The following TTC12 variants were observed in gnomAD, a reference collection of about 807,000 sequenced individuals.
The protein encoded by TTC12 is tetratricopeptide repeat domain 12, also known as tetratricopeptide repeat protein 12.
TTC12 carries 70 observed loss-of-function variants against 90.1 expected under a neutral mutation model. The observed-to-expected ratio is 0.78, with a 90% CI of 0.64 to 0.95. The LOEUF (loss-of-function observed/expected upper bound fraction) is 0.95, where lower values mean the gene tolerates loss of function less well. TTC12 is among the 40% of genes least tolerant of loss of function. The pLI is 0.00. For synonymous variants in TTC12, 296 were observed against 311.5 expected, an observed-to-expected ratio of 0.95 and a Z score of 0.53; for missense variants, 819 against 846.1, an observed-to-expected ratio of 0.97 and a Z score of 0.40.
downstream of TTC12, among the ~76,000 whole-genome samples, chr11:113,366,649 T>C (rs1472715404): frequency 1.3e-5 from 2 of 152,276 alleles, no homozygotes; most frequent in African/African-American, 4.8e-5. Flanking sequence ...CTACCCCTTT[T>C]GCTATTTTCT....
chr11:113,362,035 G>A (rs1464741319), intron 18 of TTC12, among the ~76,000 whole-genome samples: 6 of 151,082 alleles, frequency 4.0e-5, no homozygotes, highest in Admixed American at 1.3e-4. Context: ...ACAAAGATTC[G>A]AAAAGATAAA....
chr11:113,363,551 C>T (rs1950049479), intron 19 of TTC12, among the ~76,000 whole-genome samples: 1 of 152,194 alleles, frequency 6.6e-6, no homozygotes, highest in Non-Finnish European at 1.5e-5. Context: ...CTCTTCTCAG[C>T]CACTTGCTCA....
At chr11:113,349,986 C>A in intron 13 of TTC12, 87 bp from the exon 14 acceptor site, 1 of 1,102,690 alleles carries the variant, frequency 9.1e-7, no homozygotes, top group South Asian at 1.3e-5. Flanking sequence ...ATGCTGACTC[C>A]TTTTTTGGTT....
chr11:113,364,873 G>A lies in TTC12; in HGVS notation c.1855G>A (p.Glu619Lys). The change falls in exon 21 of 22, where the codon GAG becomes AAG. Residue 619 changes from glutamate (E) to lysine (K), a missense_variant. By Grantham distance (56) the Glu-to-Lys change is moderately conservative (BLOSUM62 1). Coordinates refer to ENST00000529221, the MANE Select transcript of TTC12 (RefSeq NM_017868.4). ...GATGAAGCTGCTCAGCTCGGAGGAT[G>A]AGGTTCTGGTGGGCAACGCTGCCCT... Reference protein sequence around the residue: ...VMMKLLSSEDEVLVGNAALCL... With the variant: ...VMMKLLSSEDKVLVGNAALCL... 6.2e-7 allele frequency: 1 copy of A among 1,614,242 alleles called. No homozygotes were observed. Among genetic ancestry groups the A allele is most frequent in the East Asian group, 2.2e-5 (1 of 44,880 alleles).
rs782533737 is a variant in TTC12, at chr11:113,359,996, A to G, written c.1602A>G (p.Gly534=). Residue 534 remains glycine, a synonymous_variant, in exon 18 of 22, where the codon GGA becomes GGG. Coordinates refer to ENST00000529221, the MANE Select transcript of TTC12 (RefSeq NM_017868.4). Reference sequence around the variant, plus strand: ...TGTCTTTACTAAACAGCCAGGATGGAGGAATCCTGACAGTAAGTTTCTCCC... The same window carrying G: ...TGTCTTTACTAAACAGCCAGGATGGGGGAATCCTGACAGTAAGTTTCTCCC... ...RCLSLLNSQD[G]GILTRAAGVL... is the part of the protein sequence containing the mutation. 1.3e-6 allele frequency: 2 copies of G among 1,596,004 alleles called. No individual in the cohort carries two copies. Among genetic ancestry groups the G allele is most frequent in the Non-Finnish European group, 1.7e-6 (2 of 1,171,044 alleles).
At chr11:113,372,049 G>A (rs1950400448) in intron 21 of TTC12, among the ~76,000 whole-genome samples, 1 of 152,146 alleles carries the variant, frequency 6.6e-6, no homozygotes, top group African/African-American at 2.4e-5. Context: ...TTTTATCAGG[G>A]TTGGAAGGGT....
intron 20 of TTC12, 46 bp downstream of exon 20, chr11:113,363,973 C>A: frequency 2.2e-6 from 3 of 1,371,670 alleles, no homozygotes; most frequent in Non-Finnish European, 3.1e-6. Flanking sequence ...AGAGGTTCAT[C>A]CACCCTTGAA....
rs1555140208 is a variant in TTC12, at chr11:113,324,615, G to A, written c.255G>A (p.Leu85=). 4 of 1,613,420 alleles carry A rather than the reference G, an allele frequency of 2.5e-6. No homozygotes were observed. In the East Asian group the frequency reaches 6.7e-5, roughly 27 times the overall value. ...SAEEINSEAF[L]ASVEKDAKER... ...TTACCCTGCTGTCAGAGGCCTTCTTGGCATCTGTGGAGAAGGATGCAAAGG... is the reference window on the plus strand; with the variant it reads ...TTACCCTGCTGTCAGAGGCCTTCTTAGCATCTGTGGAGAAGGATGCAAAGG... Residue 85 remains leucine, a synonymous_variant, in exon 5 of 22, where the codon TTG becomes TTA. Coordinates refer to ENST00000529221, the MANE Select transcript of TTC12 (RefSeq NM_017868.4).
intron 2 of TTC12, among the ~76,000 whole-genome samples, chr11:113,316,684 G>A (rs1380750601): frequency 6.6e-6 from 1 of 152,208 alleles, no homozygotes; most frequent in Non-Finnish European, 1.5e-5. Flanking sequence ...TCCCGTTTTA[G>A]AGTAGAGCCA....
chr11:113,338,945 C>T, intron 9 of TTC12, 111 bp downstream of exon 9: 1 of 945,104 alleles, frequency 1.1e-6, no homozygotes, highest in Non-Finnish European at 1.7e-6. Flanking sequence ...AGCGGCGGAT[C>T]CTCTTTCCTG....
intron 21 of TTC12, 81 bp from the exon 22 acceptor site, chr11:113,366,144 T>C (rs1244584240): frequency 1.4e-6 from 2 of 1,479,298 alleles, no homozygotes; most frequent in South Asian, 2.3e-5. Flanking sequence ...CCAGCTTCCA[T>C]CTGAGAGGGT....
chr11:113,318,501 A>G (rs1426993237), intron 2 of TTC12, among the ~76,000 whole-genome samples: 1 of 152,200 alleles, frequency 6.6e-6, no homozygotes, highest in Non-Finnish European at 1.5e-5. Flanking sequence ...TTCTCTTCTT[A>G]CAAGGACACT....
intron 16 of TTC12, among the ~76,000 whole-genome samples, chr11:113,355,172 C>G (rs1949553839): frequency 6.6e-6 from 1 of 151,968 alleles, no homozygotes; most frequent in Admixed American, 6.6e-5. Flanking sequence ...AATTTTTTTC[C>G]TGGTTCAGCC....
chr11:113,362,885 G>T (rs539198441), intron 19 of TTC12, among the ~76,000 whole-genome samples: 1 of 152,342 alleles, frequency 6.6e-6, no homozygotes, highest in East Asian at 1.9e-4. Context: ...TCTGGAGAGT[G>T]TTGGATGGAA....
chr11:113,354,239 C>T (rs533208095), intron 16 of TTC12, among the ~76,000 whole-genome samples: 29 of 152,146 alleles, frequency 1.9e-4, no homozygotes, highest in African/African-American at 6.3e-4. Context: ...AATGAGATTG[C>T]GTTTCTCATT....
intron 7 of TTC12, among the ~76,000 whole-genome samples, 174 bp from the exon 8 acceptor site, chr11:113,334,792 C>G (rs1042541154): frequency 1.3e-5 from 2 of 152,142 alleles, no homozygotes; most frequent in Non-Finnish European, 2.9e-5. Context: ...TGCATCCAGG[C>G]TCCTTGCAGG....
At chr11:113,329,750 C>T (rs1385274369) in intron 6 of TTC12, 170 bp from the exon 7 acceptor site, 2 of 682,762 alleles carry the variant, frequency 2.9e-6, no homozygotes, top group Non-Finnish European at 5.4e-6. Flanking sequence ...ATTCAACTCT[C>T]CTCAGTTGCC....
At chr11:113,365,130 G>A in intron 21 of TTC12, 70 bp downstream of exon 21, 1 of 1,417,408 alleles carries the variant, frequency 7.1e-7, no homozygotes, top group South Asian at 1.2e-5. Flanking sequence ...GCTGAGTTTT[G>A]GCTGGGACTG....
intron 2 of TTC12, among the ~76,000 whole-genome samples, chr11:113,316,683 A>G (rs782089466): frequency 2.6e-5 from 4 of 152,226 alleles, no homozygotes; most frequent in Non-Finnish European, 4.4e-5. Context: ...CTCCCGTTTT[A>G]GAGTAGAGCC....
Sources: allele counts gnomAD v4.1 joint callset (sites outside exome capture counted in the v4.1 genomes callset), GRCh38; gene constraint gnomAD v4.1.1; transcripts MANE v1.5; gene names NCBI Gene and HGNC (gene_info 2026-07-23, HGNC 2026-07-21).